The following KIF13A variants were observed in gnomAD, a reference collection of about 807,000 sequenced individuals.
KIF13A encodes kinesin-like protein KIF13A.
Under a neutral mutation model 212.2 loss-of-function variants are expected in KIF13A, and 79 were observed. The ratio of observed to expected loss-of-function variants is 0.37; its 90% CI spans 0.31 to 0.45. The LOEUF (loss-of-function observed/expected upper bound fraction) is 0.45, where lower values mean the gene tolerates loss of function less well. KIF13A is among the 20% of genes least tolerant of loss of function. KIF13A has a pLI of 1.00. For synonymous variants in KIF13A, 789 were observed against 808.6 expected (o/e 0.98, Z 0.41); for missense variants, 1,901 against 2,209.0 (o/e 0.86, Z 2.79).
At position 17,984,709 on chromosome 6, in the gene KIF13A, T is replaced by C. The variant is rs959307705; in HGVS notation, c.146+2345A>G. Among the ~76,000 whole-genome samples the C allele has an allele frequency of 3.9e-5, 6 of 152,166 alleles. No homozygotes were observed. Among genetic ancestry groups the C allele is most frequent in the African/African-American group, 1.2e-4 (5 of 41,440 alleles). On this transcript the variant is annotated intron_variant, in intron 2 of 38. Transcript: ENST00000259711. The surrounding 1 kb of genome is among the most constrained non-coding windows in gnomAD (Gnocchi z 5.0). The stretch of plus-strand genomic sequence containing the variant: ...TAATTCATTGGTAATTTCTTGCAAC[T>C]TTCAGAAAAACAGTAATTCTCAATT...
At chr6:17,976,184 C>A (rs994796031) in intron 2 of KIF13A, among the ~76,000 whole-genome samples, 2 of 152,352 alleles carry the variant, frequency 1.3e-5, no homozygotes, top group Non-Finnish European at 2.9e-5. Flanking sequence ...ACTCTCACGC[C>A]GGCACTCCTC....
chr6:17,777,412 C>G lies in KIF13A; in HGVS notation c.4093-58G>C. On this transcript the variant is annotated intron_variant, in intron 33 of 38. Coordinates refer to ENST00000259711, the MANE Select transcript of KIF13A (RefSeq NM_022113.6). This position sits in a 1 kb window ranked among gnomAD's most constrained non-coding sequence, Gnocchi z 4.4. ...TTTTTTTTTTCCCCAGAGACAGAGT[C>G]TCACTCTGTTGCCCAGGCTGGAGTG... 7 of 1,372,726 alleles carry G rather than the reference C, an allele frequency of 5.1e-6. No homozygotes were observed. The highest frequency in any genetic ancestry group is 7.1e-6 in the Non-Finnish European group (7 of 984,570). The allele number at this position is 1,372,726 out of a possible 1,614,324, so 85.0% of individuals were successfully genotyped here.
chr6:17,984,073 AGAG>A lies in KIF13A; in HGVS notation c.146+2978_146+2980del, dbSNP rs1781337241. Among the ~76,000 whole-genome samples, 1 of 152,218 alleles carries A rather than the reference AGAG, an allele frequency of 6.6e-6. No homozygotes were observed. The highest frequency in any genetic ancestry group is 2.4e-5 in the African/African-American group (1 of 41,456). ...CAGTATGCAGGAGCATGAGGTACAAAGAGAAGTAGGATAAGGTACCTACCTGCC... is the reference window on the plus strand; with the variant it reads ...CAGTATGCAGGAGCATGAGGTACAAAAAGTAGGATAAGGTACCTACCTGCC... On this transcript the variant is annotated intron_variant, in intron 2 of 38. Coordinates refer to ENST00000259711, the MANE Select transcript of KIF13A (RefSeq NM_022113.6). The surrounding 1 kb of genome is among the most constrained non-coding windows in gnomAD (Gnocchi z 5.0).
intron 2 of KIF13A, among the ~76,000 whole-genome samples, chr6:17,910,775 T>C (rs1031858597): frequency 6.6e-6 from 1 of 152,208 alleles, no homozygotes; most frequent in African/African-American, 2.4e-5. Flanking sequence ...TCGTTGTTGT[T>C]GTTTTGAGAC....
chr6:17,905,786 C>T (rs1581691768), intron 2 of KIF13A, among the ~76,000 whole-genome samples: 3 of 152,288 alleles, frequency 2.0e-5, no homozygotes, highest in Admixed American at 6.5e-5. Flanking sequence ...GGGCCACAGA[C>T]TCATGGGATT....
rs927835611 is a variant in KIF13A at position 17,886,022 on chromosome 6, A to G, written c.159+12146T>C. ...AAAGGTGATGTGGATATTTTCAAAC[A>G]CAGAATACTTCTTCTTCAATAAAAA... is the stretch of plus-strand genomic sequence containing the variant. On this transcript the variant is annotated intron_variant, in intron 3 of 38. Coordinates refer to ENST00000259711, the MANE Select transcript of KIF13A (RefSeq NM_022113.6). The surrounding 1 kb of genome is among the most constrained non-coding windows in gnomAD (Gnocchi z 5.6). Among the ~76,000 whole-genome samples, 3 of 152,216 alleles carry G rather than the reference A, an allele frequency of 2.0e-5. No homozygotes were observed. The highest frequency in any genetic ancestry group is 7.2e-5 in the African/African-American group (3 of 41,452).
Position 17,897,433 on chromosome 6 carries a change from C to T in KIF13A, c.159+735G>A, listed in dbSNP as rs1772671791. Among the ~76,000 whole-genome samples, 3 of 152,134 alleles carry T rather than the reference C, an allele frequency of 2.0e-5. No homozygotes were observed. In the South Asian group the frequency reaches 6.2e-4, roughly 32 times the overall value. On this transcript the variant is annotated intron_variant, in intron 3 of 38. Transcript: ENST00000259711. This position sits in a 1 kb window ranked among gnomAD's most constrained non-coding sequence, Gnocchi z 4.8. ...TCCCTCTGATACTCAGCAAAATGCTCACTGGTAACAAAATCAATCTTCAGT... is the reference window on the plus strand; with the variant it reads ...TCCCTCTGATACTCAGCAAAATGCTTACTGGTAACAAAATCAATCTTCAGT...
chr6:17,940,827 T>TA (rs1161507174), intron 2 of KIF13A, among the ~76,000 whole-genome samples: 9 of 149,760 alleles, frequency 6.0e-5, no homozygotes, highest in Admixed American at 6.0e-4. Flanking sequence ...ATTTTTTTTT[T>TA]TTTTTTTTTT....
chr6:17,806,804 G>A (rs190813919), intron 18 of KIF13A, among the ~76,000 whole-genome samples: 14 of 152,270 alleles, frequency 9.2e-5, no homozygotes, highest in East Asian at 1.9e-4. Flanking sequence ...ACTTGAACCC[G>A]GGAGGCGGAG....
chr6:17,887,619 T>C (rs1393344029), intron 3 of KIF13A, among the ~76,000 whole-genome samples: 1 of 152,192 alleles, frequency 6.6e-6, no homozygotes, highest in Non-Finnish European at 1.5e-5. Context: ...TTTCATGTAC[T>C]CTACACTTTA....
At chr6:17,958,816 T>C (rs974999474) in intron 2 of KIF13A, among the ~76,000 whole-genome samples, 6 of 151,340 alleles carry the variant, frequency 4.0e-5, no homozygotes, top group African/African-American at 1.5e-4. Context: ...ATTCAATACA[T>C]AAAAATCCAA....
rs936910833 is a variant in KIF13A at position 17,768,753 on chromosome 6, C to T, written c.4581+2361G>A. Among the ~76,000 whole-genome samples the T allele has an allele frequency of 4.8e-4, 73 of 152,350 alleles. No individual in the cohort carries two copies. Among genetic ancestry groups the T allele is most frequent in the African/African-American group, 1.7e-3 (69 of 41,582 alleles). ...TTCTGTAAACCAGAGGAATAAACCA[C>T]ATGCTGTCTATGCAAGACCTAACGG... On this transcript the variant is annotated intron_variant, in intron 38 of 38. Transcript: ENST00000259711. The surrounding 1 kb of genome is among the most constrained non-coding windows in gnomAD (Gnocchi z 5.4).
chr6:17,860,466 T>C lies in KIF13A; in HGVS notation c.221-4344A>G, dbSNP rs550271441. Among the ~76,000 whole-genome samples, 24 of 152,268 alleles carry C rather than the reference T, an allele frequency of 1.6e-4. No individual in the cohort carries two copies. In the East Asian group the frequency reaches 4.4e-3, roughly 28 times the overall value. On this transcript the variant is annotated intron_variant, in intron 4 of 38. Transcript: ENST00000259711. ...GGCCTCCCAAAGTGCTGGGATTACG[T>C]GTGAGCCACTGTGCCTGGCTGGCAC... is the stretch of plus-strand genomic sequence containing the variant.
intron 4 of KIF13A, among the ~76,000 whole-genome samples, chr6:17,857,234 C>T (rs908361017): frequency 1.3e-5 from 2 of 152,072 alleles, no homozygotes; most frequent in African/African-American, 2.4e-5. Context: ...CAACACAAAA[C>T]GAGATAGTAT....
intron 16 of KIF13A, among the ~76,000 whole-genome samples, chr6:17,823,393 T>TTCTCTC (rs372974768): frequency 6.8e-6 from 1 of 147,970 alleles, no homozygotes; most frequent in Non-Finnish European, 1.5e-5. Flanking sequence ...CTGGCTGTCT[T>TTCTCTC]TCTCTCTCTC....
At position 17,839,916 on chromosome 6, in the gene KIF13A, T is replaced by C. The variant is rs1766347700; in HGVS notation, c.831-2333A>G. Reference sequence around the variant, plus strand: ...TTCAGATTTCTCGCCTGCAGAATTGTGAGAAATAAATTTCTGTTGTTTTAA... The same window carrying C: ...TTCAGATTTCTCGCCTGCAGAATTGCGAGAAATAAATTTCTGTTGTTTTAA... On this transcript the variant is annotated intron_variant, in intron 9 of 38. Transcript: ENST00000259711. This position sits in a 1 kb window ranked among gnomAD's most constrained non-coding sequence, Gnocchi z 4.3. Among the ~76,000 whole-genome samples the C allele has an allele frequency of 6.6e-6, 1 of 152,192 alleles. No individual in the cohort carries two copies. Among genetic ancestry groups the C allele is most frequent in the African/African-American group, 2.4e-5 (1 of 41,452 alleles).
At chr6:17,860,495 T>A (rs1402560488) in intron 4 of KIF13A, among the ~76,000 whole-genome samples, 1 of 152,078 alleles carries the variant, frequency 6.6e-6, no homozygotes, top group Non-Finnish European at 1.5e-5. Context: ...CTGGCACAAT[T>A]TTTTTTTCAT....
intron 2 of KIF13A, among the ~76,000 whole-genome samples, chr6:17,943,400 AT>A (rs11311833): frequency 0.46 from 60,550 of 132,168 alleles, 12,151 homozygotes; most frequent in African/African-American, 0.57. Flanking sequence ...TAAAACACAG[AT>A]TTTTTTTTTT....
rs919107446 is a variant in KIF13A, at chr6:17,769,466, C to G, written c.4581+1648G>C. ...GAGTCTAACTGCTGCTTGAGACTTCCTGGGTCAAGAGAATCTGGTTCCATC... is the reference window on the plus strand; with the variant it reads ...GAGTCTAACTGCTGCTTGAGACTTCGTGGGTCAAGAGAATCTGGTTCCATC... On this transcript the variant is annotated intron_variant, in intron 38 of 38. Transcript: ENST00000259711. This position sits in a 1 kb window ranked among gnomAD's most constrained non-coding sequence, Gnocchi z 5.8. Among the ~76,000 whole-genome samples, 3 of 152,090 alleles carry G rather than the reference C, an allele frequency of 2.0e-5. No homozygotes were observed. The highest frequency in any genetic ancestry group is 7.2e-5 in the African/African-American group (3 of 41,398).
Sources: gnomAD v4.1 joint callset for allele counts (sites outside exome capture counted in the v4.1 genomes callset) on GRCh38, gnomAD v4.1.1 for gene constraint, Gnocchi (gnomAD v3.1) non-coding constraint, MANE v1.5 for transcripts, NCBI Gene and HGNC (gene_info 2026-07-23, HGNC 2026-07-21) for gene names.